Variants in KANK4 observed in about 807,000 individuals in gnomAD.
KANK4 encodes the protein KN motif and ankyrin repeat domains 4.
KANK4 carries 50 observed loss-of-function variants against 80.8 expected under a neutral mutation model. That is an observed-to-expected ratio of 0.62 (90% CI 0.49 to 0.78). KANK4 has a LOEUF of 0.78. KANK4 is among the 30% of genes least tolerant of loss of function. KANK4 has a pLI of 0.00. For missense variants in KANK4, 1,196 were observed against 1,240.1 expected (o/e 0.96, Z 0.53); for synonymous variants, 465 against 506.9 (o/e 0.92, Z 1.11).
chr1:62,240,133 A>C (rs1323955923), intron 9 of KANK4, among the ~76,000 whole-genome samples: 11 of 152,234 alleles, frequency 7.2e-5, no homozygotes, highest in African/African-American at 2.4e-4. Context: ...TCCCACCAAC[A>C]GTGTAAAAGT....
chr1:62,277,940 G>A (rs989691847), intron 2 of KANK4, among the ~76,000 whole-genome samples: 1 of 152,166 alleles, frequency 6.6e-6, no homozygotes, highest in African/African-American at 2.4e-5. Context: ...AAGGGATGGA[G>A]GGTGAAATCA....
chr1:62,263,059 G>A, intron 7 of KANK4, 33 bp downstream of exon 7: 1 of 1,524,534 alleles, frequency 6.6e-7, no homozygotes. Context: ...TTCAAGGAGG[G>A]ACCCAGACTG....
intron 1 of KANK4, among the ~76,000 whole-genome samples, chr1:62,292,655 C>G (rs1239729367): frequency 6.6e-6 from 1 of 152,106 alleles, no homozygotes; most frequent in Non-Finnish European, 1.5e-5. Context: ...AATGGCAAAT[C>G]TCTATTTTAA....
chr1:62,289,501 C>T lies in KANK4; in HGVS notation c.-70-7867G>A, dbSNP rs561203265. On this transcript the variant is annotated intron_variant, in intron 1 of 9. Coordinates refer to ENST00000371153, the MANE Select transcript of KANK4 (RefSeq NM_181712.5). Reference sequence around the variant, plus strand: ...TGCGGCCAAGAGAGGAACTTCAGGCCGTGGCAATACCTCTGAGCACACCAC... The same window carrying T: ...TGCGGCCAAGAGAGGAACTTCAGGCTGTGGCAATACCTCTGAGCACACCAC... Among the ~76,000 whole-genome samples the T allele has an allele frequency of 7.9e-5, 12 of 152,206 alleles. No homozygotes were observed. In the East Asian group the frequency reaches 2.1e-3, roughly 27 times the overall value.
chr1:62,286,226 C>T (rs1672561551), intron 1 of KANK4, among the ~76,000 whole-genome samples: 1 of 152,248 alleles, frequency 6.6e-6, no homozygotes, highest in Admixed American at 6.5e-5. Context: ...TGCTGCATAG[C>T]CCACAGCAGG....
chr1:62,314,483 G>A (rs1360852239), intron 1 of KANK4, among the ~76,000 whole-genome samples: 5 of 152,122 alleles, frequency 3.3e-5, no homozygotes, highest in Admixed American at 3.3e-4. Context: ...CCGAGAGCTG[G>A]CGTCTCCGGG....
chr1:62,292,607 G>A (rs1433730188), intron 1 of KANK4, among the ~76,000 whole-genome samples: 1 of 152,208 alleles, frequency 6.6e-6, no homozygotes, highest in South Asian at 2.1e-4. Context: ...GGGATTAGGA[G>A]TCCAATTTGT....
intron 1 of KANK4, among the ~76,000 whole-genome samples, chr1:62,289,209 C>T (rs753129703): frequency 3.0e-4 from 46 of 152,212 alleles, no homozygotes; most frequent in Admixed American, 7.2e-4. Flanking sequence ...ATTAAGAACC[C>T]GTGAGTGCAT....
At chr1:62,295,915 C>T (rs1212565734) in intron 1 of KANK4, among the ~76,000 whole-genome samples, 1 of 150,968 alleles carries the variant, frequency 6.6e-6, no homozygotes, top group African/African-American at 2.4e-5. Context: ...TAACGCATAA[C>T]AATAAAAATA....
At chr1:62,267,276 A>T (rs561717881) in intron 5 of KANK4, among the ~76,000 whole-genome samples, 1 of 151,092 alleles carries the variant, frequency 6.6e-6, no homozygotes, top group African/African-American at 2.4e-5. Context: ...GGACACCGTA[A>T]GTACTAACAG....
In KANK4 at chr1:62,274,447, T is replaced by G. The variant is rs779112819; in HGVS notation, c.657A>C (p.Arg219=). 19 of 1,614,080 alleles carry G rather than the reference T, an allele frequency of 1.2e-5. No homozygotes were observed. The East Asian group carries it at 4.2e-4, about 36-fold the overall frequency. The change falls in exon 3 of 10, where the codon CGA becomes CGC. Residue 219 remains arginine, a synonymous_variant. Coordinates refer to ENST00000371153, the MANE Select transcript of KANK4 (RefSeq NM_181712.5). The part of the protein sequence containing the change: ...GLAGFHSSSP[R]ASTRIPELVQ... ...CCAGCTCTGGAATCCGAGTTGATGC[T>G]CGTGGGCTGGAGCTGTGGAAACCTG...
intron 1 of KANK4, among the ~76,000 whole-genome samples, chr1:62,288,322 A>T (rs989080841): frequency 6.6e-6 from 1 of 152,248 alleles, no homozygotes; most frequent in African/African-American, 2.4e-5. Context: ...GTCCAAGTCC[A>T]GCAAGATGGG....
At chr1:62,314,507 A>C (rs561413787) in intron 1 of KANK4, among the ~76,000 whole-genome samples, 1 of 152,128 alleles carries the variant, frequency 6.6e-6, no homozygotes, top group South Asian at 2.1e-4. Context: ...CTGGGCAGAA[A>C]CCAGGATGTG....
At chr1:62,260,430 C>T (rs1218633841) in intron 7 of KANK4, among the ~76,000 whole-genome samples, 1 of 152,002 alleles carries the variant, frequency 6.6e-6, no homozygotes, top group African/African-American at 2.4e-5. Flanking sequence ...GTCTCTGTCC[C>T]CCACCTTATC....
At chr1:62,318,015 C>A (rs573039986) in intron 1 of KANK4, among the ~76,000 whole-genome samples, 28 of 152,308 alleles carry the variant, frequency 1.8e-4, no homozygotes, top group African/African-American at 6.5e-4. Context: ...ACGGACTCTG[C>A]CTCCATTCCC....
At chr1:62,257,176 C>T (rs745924806) in intron 7 of KANK4, among the ~76,000 whole-genome samples, 1 of 151,200 alleles carries the variant, frequency 6.6e-6, no homozygotes, top group Non-Finnish European at 1.5e-5. Context: ...TAACCTCCGC[C>T]TCCTGGGTTC....
intron 9 of KANK4, among the ~76,000 whole-genome samples, chr1:62,241,504 A>C (rs933048291): frequency 2.0e-5 from 3 of 152,194 alleles, no homozygotes; most frequent in Non-Finnish European, 4.4e-5. Flanking sequence ...GATAAATTTC[A>C]GTCTCCACGA....
At chr1:62,258,725 A>G (rs1420607253) in intron 7 of KANK4, among the ~76,000 whole-genome samples, 1 of 152,186 alleles carries the variant, frequency 6.6e-6, no homozygotes, top group African/African-American at 2.4e-5. Context: ...TTTTGAGTGA[A>G]TTAACATTCT....
intron 2 of KANK4, among the ~76,000 whole-genome samples, chr1:62,277,327 A>C (rs1465249424): frequency 6.6e-6 from 1 of 152,236 alleles, no homozygotes; most frequent in Non-Finnish European, 1.5e-5. Flanking sequence ...TAAATGAACA[A>C]ATAGGGACTT....
Sources: allele counts gnomAD v4.1 joint callset (sites outside exome capture counted in the v4.1 genomes callset), GRCh38; gene constraint gnomAD v4.1.1; transcripts MANE v1.5; gene names NCBI Gene and HGNC (gene_info 2026-07-23, HGNC 2026-07-21).